SASH3: variants seen among roughly 807,000 people sequenced by gnomAD.
SASH3 encodes SAM and SH3 domain containing 3.
SASH3 carries 7 observed loss-of-function variants against 26.1 expected under a neutral mutation model. That is an observed-to-expected ratio of 0.27 (90% CI 0.15 to 0.50). The LOEUF (loss-of-function observed/expected upper bound fraction) is 0.50, where lower values mean the gene tolerates loss of function less well. SASH3 is among the 20% of genes least tolerant of loss of function. SASH3 has a pLI of 0.98. For missense variants in SASH3, 231 were observed against 318.3 expected (o/e 0.73, Z 2.09); for synonymous variants, 138 against 136.8 (o/e 1.01, Z -0.06).
chrX:129,788,444 A>T lies in SASH3; in HGVS notation c.167A>T (p.Asp56Val). The change falls in exon 3 of 8, where the codon GAC becomes GTC. Residue 56 changes from aspartate (D) to valine (V), a missense_variant. Physicochemically the swap from Asp to Val is radical, Grantham distance 152. Coordinates refer to ENST00000356892, the MANE Select transcript of SASH3 (RefSeq NM_018990.4). Reference sequence around the variant, plus strand: ...TTGTTGTCACAGATTCCAGAAGATGACTCAGGTGTCCCCACCCCAGAAGAT... The same window carrying T: ...TTGTTGTCACAGATTCCAGAAGATGTCTCAGGTGTCCCCACCCCAGAAGAT... ...FNLDDNIPED[D>V]SGVPTPEDAG... The T allele has an allele frequency of 8.3e-7, 1 of 1,211,387 alleles. No homozygotes were observed. The highest frequency in any genetic ancestry group is 1.8e-5 in the South Asian group (1 of 56,956).
chrX:129,788,137 G>GGGGGGGGGGGGGGGGGGGGGGGTTGGC, intron 2 of SASH3, 67 bp downstream of exon 2: 1 of 354,277 alleles, frequency 2.8e-6, no homozygotes, highest in Admixed American at 3.5e-5. Flanking sequence ...GGGTGGGAGG[G>GGGGGGGGGGGGGGGGGGGGGGGTTGGC]AAGAGGGTGA....
rs376017786 is a variant in SASH3 at position 129,780,166 on chromosome X, T to A, written c.57+12T>A. On this transcript the variant is annotated intron_variant, in intron 1 of 7. Coordinates refer to ENST00000356892, the MANE Select transcript of SASH3 (RefSeq NM_018990.4). ...CTCAGAAGAAAAAGGTGAGGAGCAT[T>A]TTGGGAACTCACATCTTCCTTTCCT... The A allele has an allele frequency of 1.2e-4, 149 of 1,195,796 alleles. No homozygotes were observed. Among genetic ancestry groups the A allele is most frequent in the Non-Finnish European group, 1.6e-4 (145 of 884,332 alleles).
chrX:129,780,597 C>T (rs1450733895), intron 1 of SASH3, among the ~76,000 whole-genome samples: 1 of 112,695 alleles, frequency 8.9e-6, no homozygotes, highest in Non-Finnish European at 1.9e-5. Context: ...GCTGGGCTGC[C>T]CAGCTTGGAG....
At chrX:129,788,734 C>A (rs1430279777) in intron 3 of SASH3, among the ~76,000 whole-genome samples, 157 bp downstream of exon 3, 3 of 111,677 alleles carry the variant, frequency 2.7e-5, no homozygotes, top group African/African-American at 9.8e-5. Flanking sequence ...TCACTTGCAG[C>A]CACGGACAGG....
chrX:129,786,982 G>A (rs1181618431), intron 1 of SASH3, among the ~76,000 whole-genome samples: 1 of 100,927 alleles, frequency 9.9e-6, no homozygotes, highest in East Asian at 3.1e-4. Context: ...GTGACAGGGC[G>A]AGACTCCATC....
chrX:129,789,170 A>AGAAAGAAAGAGAG (rs10683625), intron 3 of SASH3, among the ~76,000 whole-genome samples: 1 of 48,293 alleles, frequency 2.1e-5, no homozygotes, highest in African/African-American at 1.4e-4. Flanking sequence ...AGAAAGAGAA[A>AGAAAGAAAGAGAG]AAAAAAAAAA....
intron 1 of SASH3, among the ~76,000 whole-genome samples, chrX:129,782,524 G>A (rs1247712390): frequency 8.9e-6 from 1 of 112,184 alleles, no homozygotes; most frequent in African/African-American, 3.2e-5. Flanking sequence ...ATCCCTATTT[G>A]ACACTTGAGG....
At position 129,792,368 on chromosome X, in the gene SASH3, C is replaced by T. The variant is rs1297121039; in HGVS notation, c.483C>T (p.Phe161=). ...LCSPSPGSGS[F]GEEPPAPQYT... Reference sequence around the variant, plus strand: ...GCCCCAGCCCAGGTTCTGGCAGCTTCGGGGAGGAACCACCTGCCCCCCAGT... The same window carrying T: ...GCCCCAGCCCAGGTTCTGGCAGCTTTGGGGAGGAACCACCTGCCCCCCAGT... The change falls in exon 5 of 8, where the codon TTC becomes TTT. Residue 161 remains phenylalanine, a synonymous_variant. Coordinates refer to ENST00000356892, the MANE Select transcript of SASH3 (RefSeq NM_018990.4). The T allele has an allele frequency of 4.1e-6, 5 of 1,210,320 alleles. No individual in the cohort carries two copies. The highest frequency in any genetic ancestry group is 4.4e-5 in the Admixed American group (2 of 45,916).
At chrX:129,791,209 A>G (rs1436416471) in intron 4 of SASH3, 128 bp downstream of exon 4, 6 of 657,347 alleles carry the variant, frequency 9.1e-6, no homozygotes, top group Non-Finnish European at 1.2e-5. Context: ...TGCTGGGAAC[A>G]TTCTCAGTCC....
Position 129,794,848 on chromosome X carries a change from C to T in SASH3, c.*1016C>T, listed in dbSNP as rs1296840662. 9.0e-6 allele frequency: 1 copy of T among 111,698 alleles called. No homozygotes were observed. Among genetic ancestry groups the T allele is most frequent in the Non-Finnish European group, 1.9e-5 (1 of 53,134 alleles). 9.2% of individuals were successfully genotyped at this position (111,698 alleles called of 1,213,427 possible). On this transcript the variant is annotated 3_prime_UTR_variant, in exon 8 of 8. Coordinates refer to ENST00000356892, the MANE Select transcript of SASH3 (RefSeq NM_018990.4). ...AGTTGGCCACTTGTGTGGGTCCTCA[C>T]AAGCAAAGAGAGCACTAAACTTGAC...
chrX:129,787,929 G>T, intron 1 of SASH3, 46 bp from the exon 2 acceptor site: 1 of 1,029,459 alleles, frequency 9.7e-7, no homozygotes, highest in South Asian at 1.9e-5. Context: ...GTGGGCCCTC[G>T]GGCAGCCATT....
Position 129,792,994 on chromosome X carries a change from C to G in SASH3, c.807C>G (p.His269Gln). 8.3e-7 allele frequency: 1 copy of G among 1,211,698 alleles called. No individual in the cohort carries two copies. Among genetic ancestry groups the G allele is most frequent in the Non-Finnish European group, 1.1e-6 (1 of 895,438 alleles). The change falls in exon 7 of 8, where the codon CAC becomes CAG. Residue 269 changes from histidine (H) to glutamine (Q), a missense_variant. Physicochemically the swap from His to Gln is conservative, Grantham distance 24 (BLOSUM62 0). Transcript: ENST00000356892. ...ELLERIGLEEHTSTLLLNGYQ... is the reference protein window; with the variant it reads ...ELLERIGLEEQTSTLLLNGYQ... ...TGGCCTGCCTCTGCCTACAGGAGCA[C>G]ACATCCACCCTCCTGCTCAATGGCT...
At chrX:129,788,783 G>T (rs769234147) in intron 3 of SASH3, among the ~76,000 whole-genome samples, 4 of 111,282 alleles carry the variant, frequency 3.6e-5, no homozygotes, top group African/African-American at 9.8e-5. Context: ...GCTGGCGGGG[G>T]AAGGGGTGGA....
In SASH3 at chrX:129,794,203, C is replaced by G. The variant is rs987935437; in HGVS notation, c.*371C>G. The G allele has an allele frequency of 8.7e-6, 2 of 230,239 alleles. No homozygotes were observed. The highest frequency in any genetic ancestry group is 6.1e-5 in the Admixed American group (1 of 16,290). The allele number at this position is 230,239 out of a possible 1,213,427, so 19.0% of individuals were successfully genotyped here. A position where few individuals can be genotyped will look rare whatever the true frequency, so the allele number is the denominator to read the frequency against. ...CCAAATCCTCCTCACCCCCACACCA[C>G]CTACCCCTGTCGCACTGCTCCTGAA... is the stretch of plus-strand genomic sequence containing the variant. On this transcript the variant is annotated 3_prime_UTR_variant, in exon 8 of 8. Transcript: ENST00000356892.
At chrX:129,792,952 G>GT in intron 6 of SASH3, 37 bp from the exon 7 acceptor site, 1 of 1,209,182 alleles carries the variant, frequency 8.3e-7, no homozygotes. Context: ...GGGGTGGCTG[G>GT]TAAGCAGCTG....
At chrX:129,789,247 T>A (rs750063372) in intron 3 of SASH3, among the ~76,000 whole-genome samples, 8 of 108,906 alleles carry the variant, frequency 7.3e-5, no homozygotes, top group Non-Finnish European at 1.5e-4. Context: ...TTGAGAAAGA[T>A]GAAATGGCCT....
chrX:129,788,787 G>A (rs954314144), intron 3 of SASH3, among the ~76,000 whole-genome samples: 7 of 111,236 alleles, frequency 6.3e-5, no homozygotes, highest in African/African-American at 2.3e-4. Context: ...GCGGGGGAAG[G>A]GGTGGAGTTT....
intron 1 of SASH3, among the ~76,000 whole-genome samples, chrX:129,786,243 T>C (rs1290672353): frequency 9.0e-6 from 1 of 111,394 alleles, no homozygotes; most frequent in African/African-American, 3.3e-5. Flanking sequence ...TCAACTACCT[T>C]GCTGTGACTT....
At position 129,794,435 on chromosome X, in the gene SASH3, C is replaced by G. The variant is rs1368595662; in HGVS notation, c.*603C>G. 1 of 112,341 alleles carries G rather than the reference C, an allele frequency of 8.9e-6. No homozygotes were observed. Among genetic ancestry groups the G allele is most frequent in the Non-Finnish European group, 1.9e-5 (1 of 53,488 alleles). The allele number at this position is 112,341 out of a possible 1,213,427, so 9.3% of individuals were successfully genotyped here. ...TGAGACTTGAACCAAGTGGCTTCCT[C>G]TTTCTAGGCTTAGGACGGGTTGGGG... On this transcript the variant is annotated 3_prime_UTR_variant, in exon 8 of 8. Transcript: ENST00000356892.
Sources: allele counts gnomAD v4.1 joint callset (sites outside exome capture counted in the v4.1 genomes callset), GRCh38; gene constraint gnomAD v4.1.1; transcripts MANE v1.5; gene names NCBI Gene and HGNC (gene_info 2026-07-23, HGNC 2026-07-21).